EVI5: variants seen among roughly 807,000 people sequenced by gnomAD.
EVI5 encodes ecotropic viral integration site 5 protein homolog.
EVI5 carries 73 observed loss-of-function variants against 112.0 expected under a neutral mutation model. The observed-to-expected ratio is 0.65, with a 90% confidence interval of 0.54 to 0.79. The LOEUF is 0.79. Ranked by LOEUF, EVI5 falls within the 30% of genes least tolerant of loss-of-function variation. EVI5 has a pLI of 0.00. For missense variants in EVI5, 900 were observed against 968.8 expected, an observed-to-expected ratio of 0.93 and a Z score of 0.94; for synonymous variants, 305 against 319.9, an observed-to-expected ratio of 0.95 and a Z score of 0.50.
At chr1:92,537,404 A>G (rs548655941) in intron 19 of EVI5, among the ~76,000 whole-genome samples, 14 of 152,316 alleles carry the variant, frequency 9.2e-5, no homozygotes, top group African/African-American at 3.1e-4. Flanking sequence ...TTAAATAACA[A>G]TGTATTTTAC....
intron 18 of EVI5, among the ~76,000 whole-genome samples, chr1:92,569,458 A>G (rs556459553): frequency 6.6e-6 from 1 of 152,346 alleles, no homozygotes; most frequent in South Asian, 2.1e-4. Flanking sequence ...AGCTACTTGC[A>G]TTAACGGCAC....
At chr1:92,652,737 T>C (rs1370766748) in intron 13 of EVI5, among the ~76,000 whole-genome samples, 1 of 152,098 alleles carries the variant, frequency 6.6e-6, no homozygotes, top group African/African-American at 2.4e-5. Flanking sequence ...TGACTAGAGG[T>C]GTCCAATGCC....
chr1:92,551,028 C>CTTTT (rs1459798254), intron 19 of EVI5, among the ~76,000 whole-genome samples: 1 of 70,162 alleles, frequency 1.4e-5, no homozygotes, highest in Admixed American at 1.8e-4. Context: ...TTTTTCTTTT[C>CTTTT]TTTCTTTCTT....
At chr1:92,731,445 T>C (rs1405825110) in intron 2 of EVI5, among the ~76,000 whole-genome samples, 2 of 152,160 alleles carry the variant, frequency 1.3e-5, no homozygotes, top group African/African-American at 4.8e-5. Flanking sequence ...CATTGACAAA[T>C]AATAATTGAG....
chr1:92,714,903 T>C (rs1673380266), intron 2 of EVI5, among the ~76,000 whole-genome samples: 1 of 152,154 alleles, frequency 6.6e-6, no homozygotes, highest in East Asian at 1.9e-4. Flanking sequence ...TACTTTTAAC[T>C]AAAGTCAGAG....
intron 1 of EVI5, among the ~76,000 whole-genome samples, chr1:92,768,850 G>A (rs1442975246): frequency 6.6e-6 from 1 of 152,122 alleles, no homozygotes; most frequent in African/African-American, 2.4e-5. Context: ...ACTCCAGCTT[G>A]GGCGACCGGG....
chr1:92,560,474 C>A (rs903942006), intron 19 of EVI5, among the ~76,000 whole-genome samples: 1 of 152,104 alleles, frequency 6.6e-6, no homozygotes, highest in Non-Finnish European at 1.5e-5. Flanking sequence ...TGAGTGTGAT[C>A]ATTTTGTGAT....
At chr1:92,572,434 T>C (rs1557815180) in intron 18 of EVI5, among the ~76,000 whole-genome samples, 2 of 152,248 alleles carry the variant, frequency 1.3e-5, no homozygotes, top group East Asian at 3.8e-4. Context: ...AAGTTATTGA[T>C]GAAAAACAAT....
intron 19 of EVI5, among the ~76,000 whole-genome samples, chr1:92,557,119 G>T (rs568020971): frequency 6.6e-6 from 1 of 152,060 alleles, no homozygotes; most frequent in Non-Finnish European, 1.5e-5. Context: ...CAACAAAAAA[G>T]ACAGGATGAC....
chr1:92,591,157 A>T (rs1459383411), intron 18 of EVI5, among the ~76,000 whole-genome samples: 1 of 152,242 alleles, frequency 6.6e-6, no homozygotes, highest in African/African-American at 2.4e-5. Flanking sequence ...CACTGCAAAA[A>T]CATGCCAAAT....
chr1:92,559,127 C>T (rs1668124892), intron 19 of EVI5, among the ~76,000 whole-genome samples: 1 of 152,072 alleles, frequency 6.6e-6, no homozygotes, highest in Admixed American at 6.5e-5. Context: ...ACTTATAATA[C>T]CTAATACAAT....
chr1:92,649,116 T>C (rs1214608548), intron 13 of EVI5, among the ~76,000 whole-genome samples: 2 of 152,238 alleles, frequency 1.3e-5, no homozygotes, highest in African/African-American at 2.4e-5. Context: ...TGCATTTCCC[T>C]CATGAAAAAT....
intron 13 of EVI5, among the ~76,000 whole-genome samples, chr1:92,649,217 G>A (rs1240508891): frequency 6.6e-6 from 1 of 152,098 alleles, no homozygotes; most frequent in African/African-American, 2.4e-5. Context: ...CTTTATAACT[G>A]GGTTGTCTTT....
chr1:92,602,615 C>T (rs986145034), intron 18 of EVI5, among the ~76,000 whole-genome samples: 1 of 152,084 alleles, frequency 6.6e-6, no homozygotes, highest in Admixed American at 6.6e-5. Context: ...TTCTATTGCC[C>T]AGGCCGGTCT....
chr1:92,703,414 A>T lies in EVI5; in HGVS notation c.545T>A (p.Val182Asp). The T allele has an allele frequency of 1.9e-6, 3 of 1,566,000 alleles. No individual in the cohort carries two copies. The highest frequency in any genetic ancestry group is 4.1e-5 in the Admixed American group (2 of 48,200). The change falls in exon 4 of 20, where the codon GTT becomes GAT. Residue 182 changes from valine (V) to aspartate (D), a missense_variant. By Grantham distance (152) the Val-to-Asp change is radical. Transcript: ENST00000684568. ...FKEKDSLGQE[V>D]LFNVMKAYSL... The stretch of plus-strand genomic sequence containing the variant: ...ACTTACCTTCATTACATTAAATAAA[A>T]CCTCCTGTCCAAGGCTATCTTTTTC...
chr1:92,744,851 T>G (rs1372468490), intron 1 of EVI5, among the ~76,000 whole-genome samples: 1 of 152,204 alleles, frequency 6.6e-6, no homozygotes, highest in Non-Finnish European at 1.5e-5. Context: ...AAAATTTTTT[T>G]TATTACAGCA....
intron 18 of EVI5, among the ~76,000 whole-genome samples, chr1:92,586,113 T>A (rs2101150562): frequency 6.6e-6 from 1 of 152,214 alleles, no homozygotes; most frequent in East Asian, 1.9e-4. Flanking sequence ...TTTCATCATG[T>A]CACATGATAT....
chr1:92,693,413 C>A (rs190656728), intron 9 of EVI5, among the ~76,000 whole-genome samples: 2 of 152,062 alleles, frequency 1.3e-5, no homozygotes, highest in African/African-American at 4.8e-5. Flanking sequence ...ATTTTAAGTT[C>A]TCAATCCATA....
At chr1:92,571,254 T>A (rs536046295) in intron 18 of EVI5, among the ~76,000 whole-genome samples, 4 of 141,776 alleles carry the variant, frequency 2.8e-5, no homozygotes, top group East Asian at 2.1e-4. Context: ...AGAGAAAGGG[T>A]GATTAAGCAG....
Sources: allele counts gnomAD v4.1 joint callset (sites outside exome capture counted in the v4.1 genomes callset), GRCh38; gene constraint gnomAD v4.1.1; transcripts MANE v1.5; gene names NCBI Gene and HGNC (gene_info 2026-07-23, HGNC 2026-07-21).